The following PDE5A variants were observed in gnomAD, a reference collection of about 807,000 sequenced individuals.
The protein encoded by PDE5A is phosphodiesterase 5A.
In PDE5A, 67 loss-of-function variants were observed where a neutral mutation model predicts 110.2. The ratio of observed to expected loss-of-function variants is 0.61; its 90% confidence interval spans 0.50 to 0.75. The LOEUF is 0.75. Ranked by LOEUF, PDE5A falls within the 30% of genes least tolerant of loss-of-function variation. The pLI, the probability that PDE5A is intolerant of heterozygous loss-of-function variation, is 0.00. For missense variants in PDE5A, 862 were observed against 1,045.1 expected (o/e 0.82, Z 2.42); for synonymous variants, 328 against 351.2 (o/e 0.93, Z 0.74).
intron 12 of PDE5A, among the ~76,000 whole-genome samples, chr4:119,524,038 C>T (rs943103082): frequency 2.0e-5 from 3 of 151,814 alleles, no homozygotes; most frequent in African/African-American, 7.3e-5. Context: ...TCAAACTTGG[C>T]CTAAGAATGG....
intron 2 of PDE5A, among the ~76,000 whole-genome samples, chr4:119,599,734 C>CACAT (rs899364689): frequency 6.6e-6 from 1 of 151,708 alleles, no homozygotes; most frequent in African/African-American, 2.4e-5. Flanking sequence ...CACACACACA[C>CACAT]ACACACACAC....
At chr4:119,620,468 T>A (rs1413297590) in intron 1 of PDE5A, among the ~76,000 whole-genome samples, 1 of 152,200 alleles carries the variant, frequency 6.6e-6, no homozygotes, top group Non-Finnish European at 1.5e-5. Flanking sequence ...AGAAGTTGCT[T>A]AAAGGAAAAC....
intron 16 of PDE5A, among the ~76,000 whole-genome samples, chr4:119,506,607 G>A (rs1388329592): frequency 1.3e-5 from 2 of 151,836 alleles, no homozygotes; most frequent in African/African-American, 4.8e-5. Flanking sequence ...TGTTTCATAA[G>A]GGTTCAAAGG....
At chr4:119,517,500 T>G (rs1169020810) in intron 14 of PDE5A, among the ~76,000 whole-genome samples, 2 of 75,878 alleles carry the variant, frequency 2.6e-5, no homozygotes, top group Admixed American at 2.6e-4. Flanking sequence ...CTGCTTTAAC[T>G]TTTTTTTTTT....
chr4:119,535,084 C>G (rs1288154168), intron 11 of PDE5A, among the ~76,000 whole-genome samples: 1 of 152,180 alleles, frequency 6.6e-6, no homozygotes, highest in African/African-American at 2.4e-5. Flanking sequence ...GACCCACAGA[C>G]CCTGACAGAG....
At chr4:119,543,807 C>G (rs1727034389) in intron 9 of PDE5A, 1 of 152,298 alleles carries the variant, frequency 6.6e-6, no homozygotes, top group South Asian at 2.1e-4. Context: ...ATCCCTATAC[C>G]TCCTTCCCAA....
At position 119,560,313 on chromosome 4, in the gene PDE5A, T is replaced by G. The variant is rs1328062980; in HGVS notation, c.1182A>C (p.Ser394=). The G allele has an allele frequency of 1.9e-6, 3 of 1,585,606 alleles. No homozygotes were observed. The highest frequency in any genetic ancestry group is 2.6e-6 in the Non-Finnish European group (3 of 1,164,378). ...GCTTTTACCTTGTTAATGTATCAGA[T>G]GATTTTTCTAATTCCTCACACTCCA... is the stretch of plus-strand genomic sequence containing the variant. ...FHMECEELEK[S]SDTLTREHDA... is the part of the protein sequence containing the mutation. Residue 394 remains serine (S), a synonymous_variant, in exon 7 of 21, where the codon TCA becomes TCC. Transcript: ENST00000354960.
chr4:119,534,495 T>C (rs1726664394), intron 11 of PDE5A, among the ~76,000 whole-genome samples: 1 of 152,016 alleles, frequency 6.6e-6, no homozygotes, highest in African/African-American at 2.4e-5. Context: ...ACTGACTATA[T>C]CTCCATTCCG....
intron 7 of PDE5A, among the ~76,000 whole-genome samples, chr4:119,558,892 G>A (rs1727637208): frequency 6.9e-6 from 1 of 144,796 alleles, no homozygotes; most frequent in Admixed American, 6.9e-5. Flanking sequence ...ACTCCAGCCT[G>A]GGCGACAGAG....
intron 1 of PDE5A, among the ~76,000 whole-genome samples, chr4:119,626,094 C>G (rs1730337676): frequency 6.6e-6 from 1 of 152,150 alleles, no homozygotes; most frequent in East Asian, 1.9e-4. Flanking sequence ...ATATATATAT[C>G]ACAGAAAGTG....
chr4:119,510,305 A>G (rs977671705), intron 15 of PDE5A, among the ~76,000 whole-genome samples: 3 of 152,076 alleles, frequency 2.0e-5, no homozygotes, highest in African/African-American at 7.2e-5. Flanking sequence ...CTCAGGAAAG[A>G]ATTAGCCCAA....
Position 119,565,422 on chromosome 4 carries a change from A to G in PDE5A, c.904-12T>C, listed in dbSNP as rs1298249102. 6.4e-7 allele frequency: 1 copy of G among 1,572,164 alleles called. No individual in the cohort carries two copies. The highest frequency in any genetic ancestry group is 8.7e-7 in the Non-Finnish European group (1 of 1,142,932). On this transcript the variant is annotated splice_polypyrimidine_tract_variant and intron_variant, in intron 4 of 20. Coordinates refer to ENST00000354960, the MANE Select transcript of PDE5A (RefSeq NM_001083.4). ...TAAGCAGCAAAGTCCTAAAAAACAG[A>G]TAATAGACAAATAAAAACGGTACAT...
In PDE5A at chr4:119,557,582, T is replaced by TA. The variant is rs555472325; in HGVS notation, c.1199+2713dup. Among the ~76,000 whole-genome samples, 101 of 148,566 alleles carry TA rather than the reference T, an allele frequency of 6.8e-4. 1 individual carries two copies. The South Asian group carries it at 0.014, about 21-fold the overall frequency. ...GCAGGTAATGTAAACCAAAGACAAA[T>TA]AAAAAAAAAATCAAAGAGACATGGA... On this transcript the variant is annotated intron_variant, in intron 7 of 20. Coordinates refer to ENST00000354960, the MANE Select transcript of PDE5A (RefSeq NM_001083.4).
At chr4:119,602,830 T>A (rs1423677962) in intron 2 of PDE5A, among the ~76,000 whole-genome samples, 1 of 152,240 alleles carries the variant, frequency 6.6e-6, no homozygotes, top group African/African-American at 2.4e-5. Flanking sequence ...AATAGCTACA[T>A]GGTCAAGGCC....
rs1560612980 is a variant in PDE5A at position 119,553,645 on chromosome 4, G to A, written c.1301C>T (p.Pro434Leu). ...IPDVSKDKRF[P>L]WTTENTGNVN... ...TAAAATTGGGTTACTTACTGTCCAGGGAAATCTTTTATCCTTACTGACATC... is the reference window on the plus strand; with the variant it reads ...TAAAATTGGGTTACTTACTGTCCAGAGAAATCTTTTATCCTTACTGACATC... Residue 434 changes from proline to leucine, a missense_variant, in exon 8 of 21, where the codon CCC becomes CTC. Pro to Leu is a moderately conservative substitution (Grantham distance 98, BLOSUM62 -3). Transcript: ENST00000354960. 6.5e-7 allele frequency: 1 copy of A among 1,532,004 alleles called. No homozygotes were observed. Among genetic ancestry groups the A allele is most frequent in the Non-Finnish European group, 9.0e-7 (1 of 1,105,026 alleles). The allele number at this position is 1,532,004 out of a possible 1,614,324, so 94.9% of individuals were successfully genotyped here. A position where few individuals can be genotyped will look rare whatever the true frequency, so the allele number is the denominator to read the frequency against.
chr4:119,519,834 G>C lies in PDE5A; in HGVS notation c.1906-695C>G, dbSNP rs553699741. 9.2e-5 allele frequency among the ~76,000 whole-genome samples: 14 copies of C among 152,076 alleles called. No homozygotes were observed. The South Asian group carries it at 2.9e-3, about 32-fold the overall frequency. ...AGTTTTCAGTGTTGATAATCCTTGTGACCTTCCCTACCCCAAAATAAGTTT... is the reference window on the plus strand; with the variant it reads ...AGTTTTCAGTGTTGATAATCCTTGTCACCTTCCCTACCCCAAAATAAGTTT... On this transcript the variant is annotated intron_variant, in intron 13 of 20. Transcript: ENST00000354960.
At chr4:119,573,267 A>G (rs1728204017) in intron 3 of PDE5A, among the ~76,000 whole-genome samples, 1 of 152,190 alleles carries the variant, frequency 6.6e-6, no homozygotes, top group African/African-American at 2.4e-5. Flanking sequence ...AAATCTTCAA[A>G]AAGATTACAG....
chr4:119,565,494 A>G, intron 4 of PDE5A, 84 bp from the exon 5 acceptor site: 2 of 890,836 alleles, frequency 2.2e-6, no homozygotes, highest in East Asian at 5.1e-5. Flanking sequence ...TCAAATATTT[A>G]CAGTTAGAAA....
At chr4:119,521,298 T>C (rs73842656) in intron 12 of PDE5A, among the ~76,000 whole-genome samples, 3 of 151,906 alleles carry the variant, frequency 2.0e-5, no homozygotes, top group African/African-American at 7.2e-5. Flanking sequence ...TTAAGTACCA[T>C]GCTAATTAAA....
Sources: allele counts gnomAD v4.1 joint callset (sites outside exome capture counted in the v4.1 genomes callset), GRCh38; gene constraint gnomAD v4.1.1; transcripts MANE v1.5; gene names NCBI Gene and HGNC (gene_info 2026-07-23, HGNC 2026-07-21).